Variants in AGO2 observed in about 807,000 individuals in gnomAD.
The protein encoded by AGO2 is protein argonaute-2.
In AGO2, 5 loss-of-function variants were observed where a neutral mutation model predicts 102.3. That is an observed-to-expected ratio of 0.05 (90% CI 0.03 to 0.10). The LOEUF (loss-of-function observed/expected upper bound fraction) is 0.10, where lower values mean the gene tolerates loss of function less well. Among genes scored for constraint, AGO2 ranks in the 10% least tolerant of loss-of-function variants. The pLI is 1.00. For synonymous variants in AGO2, 449 were observed against 473.1 expected, an observed-to-expected ratio of 0.95 and a Z score of 0.66; for missense variants, 541 against 1,183.7, an observed-to-expected ratio of 0.46 and a Z score of 7.97.
rs1466107536 is a variant in AGO2 at position 140,525,144 on chromosome 8, TAA to T, written c.*6898_*6899del. 6.6e-6 allele frequency: 1 copy of T among 152,208 alleles called. No homozygotes were observed. The highest frequency in any genetic ancestry group is 2.4e-5 in the African/African-American group (1 of 41,448). 9.4% of individuals were successfully genotyped at this position (152,208 alleles called of 1,614,324 possible). On this transcript the variant is annotated 3_prime_UTR_variant, in exon 19 of 19. Transcript: ENST00000220592. Reference sequence around the variant, plus strand: ...CATCTAACATTTCCACACCAACCAATAAGATAGAAACGTGTTAACAAAAGCAC... The same window carrying T: ...CATCTAACATTTCCACACCAACCAATGATAGAAACGTGTTAACAAAAGCAC...
chr8:140,553,389 A>G (rs2073036053), intron 10 of AGO2, among the ~76,000 whole-genome samples: 1 of 150,152 alleles, frequency 6.7e-6, no homozygotes. Context: ...GCCTCAAACA[A>G]GTTACAAGTT....
intron 1 of AGO2, among the ~76,000 whole-genome samples, chr8:140,618,500 T>C (rs1301986520): frequency 2.0e-5 from 3 of 150,562 alleles, no homozygotes; most frequent in Admixed American, 1.3e-4. Flanking sequence ...CCCAGAACTA[T>C]TGTAAATATA....
chr8:140,553,408 T>G (rs935884814), intron 10 of AGO2, among the ~76,000 whole-genome samples: 9 of 105,296 alleles, frequency 8.5e-5, no homozygotes, highest in South Asian at 2.9e-4. Context: ...TTTTTTGTTT[T>G]TTGTTTTTTT....
Position 140,560,384 on chromosome 8 carries a change from C to T in AGO2, c.645G>A (p.Leu215=), listed in dbSNP as rs1460699817. 1 of 1,614,170 alleles carries T rather than the reference C, an allele frequency of 6.2e-7. No homozygotes were observed. The highest frequency in any genetic ancestry group is 1.7e-5 in the Admixed American group (1 of 60,016). ...SVRPSLWKMM[L]NIDVSATAFY... ...CAGGGCGCTGCTTACCATCAATATT[C>T]AGCATCATTTTCCAGAGAGAAGGCC... is the stretch of plus-strand genomic sequence containing the variant. The change falls in exon 5 of 19, where the codon CTG becomes CTA. Residue 215 remains leucine (L), a synonymous_variant. Transcript: ENST00000220592.
chr8:140,633,539 A>G (rs1420925414), intron 1 of AGO2, among the ~76,000 whole-genome samples: 1 of 152,244 alleles, frequency 6.6e-6, no homozygotes, highest in Non-Finnish European at 1.5e-5. Flanking sequence ...AGGTACGCTG[A>G]AAAATGAAAT....
chr8:140,619,770 C>G (rs2074193206), intron 1 of AGO2, among the ~76,000 whole-genome samples: 1 of 152,178 alleles, frequency 6.6e-6, no homozygotes, highest in East Asian at 1.9e-4. Flanking sequence ...TCACTGTGGA[C>G]AGTGAGCGCC....
chr8:140,588,133 C>A (rs2073686086), intron 1 of AGO2, among the ~76,000 whole-genome samples: 1 of 152,236 alleles, frequency 6.6e-6, no homozygotes, highest in African/African-American at 2.4e-5. Context: ...AGGTGGCACG[C>A]CCTGCCACAT....
chr8:140,577,207 CAAAAAA>C (rs10661844), intron 2 of AGO2, among the ~76,000 whole-genome samples: 5 of 70,752 alleles, frequency 7.1e-5, no homozygotes, highest in Non-Finnish European at 1.0e-4. Context: ...GACTCCATCT[CAAAAAA>C]AAAAAAAAAA....
At chr8:140,532,676 G>A (rs2072619000) in intron 17 of AGO2, 61 bp from the exon 18 acceptor site, 1 of 1,502,208 alleles carries the variant, frequency 6.7e-7, no homozygotes, top group Admixed American at 1.8e-5. Flanking sequence ...AGGATACTGT[G>A]GAGAAGATTT....
At chr8:140,585,983 GTT>G (rs369365171) in intron 1 of AGO2, among the ~76,000 whole-genome samples, 287 of 152,112 alleles carry the variant, frequency 1.9e-3, no homozygotes, top group African/African-American at 5.9e-3. Context: ...TTGCTTTTTT[GTT>G]TGTTTGTTTC....
chr8:140,521,365 A>G lies in AGO2; in HGVS notation c.*10679T>C, dbSNP rs1178913613. 1 of 152,212 alleles carries G rather than the reference A, an allele frequency of 6.6e-6. No individual in the cohort carries two copies. Among genetic ancestry groups the G allele is most frequent in the African/African-American group, 2.4e-5 (1 of 41,452 alleles). The allele number at this position is 152,212 out of a possible 1,614,324, so 9.4% of individuals were successfully genotyped here. ...TCTATTTTTGAGATCCTGCAGCAAA[A>G]AGCCTCCCAAATCAACTTTCAAAGT... is the stretch of plus-strand genomic sequence containing the variant. On this transcript the variant is annotated 3_prime_UTR_variant, in exon 19 of 19. Coordinates refer to ENST00000220592, the MANE Select transcript of AGO2 (RefSeq NM_012154.5).
rs984254271 is a variant in AGO2 at position 140,531,042 on chromosome 8, A to C, written c.*1002T>G. 1 of 152,248 alleles carries C rather than the reference A, an allele frequency of 6.6e-6. No homozygotes were observed. Among genetic ancestry groups the C allele is most frequent in the African/African-American group, 2.4e-5 (1 of 41,414 alleles). 9.4% of individuals were successfully genotyped at this position (152,248 alleles called of 1,614,324 possible). On this transcript the variant is annotated 3_prime_UTR_variant, in exon 19 of 19. Coordinates refer to ENST00000220592, the MANE Select transcript of AGO2 (RefSeq NM_012154.5). Reference sequence around the variant, plus strand: ...AGTCAATTGCATATTCCTGTCCTTAAGCACTAAGAACTGAGAGGCGGTCCC... The same window carrying C: ...AGTCAATTGCATATTCCTGTCCTTACGCACTAAGAACTGAGAGGCGGTCCC...
At chr8:140,552,730 G>GCGCGCA (rs2073020691) in intron 10 of AGO2, among the ~76,000 whole-genome samples, 1 of 112,306 alleles carries the variant, frequency 8.9e-6, no homozygotes, top group South Asian at 2.8e-4. Context: ...GCACATGCAC[G>GCGCGCA]CGCGCGCGCG....
intron 1 of AGO2, among the ~76,000 whole-genome samples, chr8:140,599,910 T>C (rs2073907648): frequency 6.6e-6 from 1 of 152,156 alleles, no homozygotes; most frequent in Admixed American, 6.5e-5. Flanking sequence ...TTCGCAGAGA[T>C]GGGGTTTCAC....
chr8:140,535,838 A>G (rs1412095413), intron 16 of AGO2, among the ~76,000 whole-genome samples: 2 of 152,260 alleles, frequency 1.3e-5, no homozygotes, highest in Non-Finnish European at 2.9e-5. Context: ...TTCACTGCAG[A>G]ACGTGCCTCT....
At chr8:140,601,601 G>C (rs560721912) in intron 1 of AGO2, among the ~76,000 whole-genome samples, 3 of 152,226 alleles carry the variant, frequency 2.0e-5, no homozygotes, top group Non-Finnish European at 4.4e-5. Context: ...AGTCTGGGCT[G>C]TCTGCCCCAG....
rs528733510 is a variant in AGO2 at position 140,544,154 on chromosome 8, C to T, written c.1839+59G>A. On this transcript the variant is annotated intron_variant, in intron 14 of 18. Transcript: ENST00000220592. ...CCCTGGCCACGCTGTGACAGTGGGA[C>T]TTCGACAGCGTCCTGCATGTTGTCA... 3.7e-4 allele frequency: 556 copies of T among 1,498,900 alleles called. 2 individuals carry two copies. Among genetic ancestry groups the T allele is most frequent in the Non-Finnish European group, 4.7e-4 (534 of 1,127,392 alleles). 92.9% of individuals were successfully genotyped at this position (1,498,900 alleles called of 1,614,324 possible).
At chr8:140,542,786 C>A (rs541961696) in intron 14 of AGO2, among the ~76,000 whole-genome samples, 11 of 152,356 alleles carry the variant, frequency 7.2e-5, no homozygotes, top group African/African-American at 2.6e-4. Context: ...CACACTGGTG[C>A]CCAGCTGTGG....
intron 16 of AGO2, 134 bp from the exon 17 acceptor site, chr8:140,535,703 G>A (rs904473457): frequency 1.9e-5 from 14 of 718,620 alleles, no homozygotes; most frequent in South Asian, 7.8e-5. Flanking sequence ...ACAGGTCCTC[G>A]GTAGGATAGT....
Sources: gnomAD v4.1 joint callset for allele counts (sites outside exome capture counted in the v4.1 genomes callset) on GRCh38, gnomAD v4.1.1 for gene constraint, MANE v1.5 for transcripts, NCBI Gene and HGNC (gene_info 2026-07-23, HGNC 2026-07-21) for gene names.